Variants in NFASC observed in about 807,000 individuals in gnomAD.
NFASC encodes the protein neurofascin, also known as neurofascin homolog.
NFASC carries 43 observed loss-of-function variants against 147.5 expected under a neutral mutation model. That is an observed-to-expected ratio of 0.29 (90% confidence interval 0.23 to 0.38). The LOEUF (loss-of-function observed/expected upper bound fraction) is 0.38, where lower values mean the gene tolerates loss of function less well. Ranked by LOEUF, NFASC falls within the 10% of genes least tolerant of loss-of-function variation. The pLI is 1.00. For missense variants in NFASC, 1,320 were observed against 1,689.0 expected, an observed-to-expected ratio of 0.78 and a Z score of 3.83; for synonymous variants, 622 against 665.5, an observed-to-expected ratio of 0.93 and a Z score of 1.01.
chr1:204,860,397 G>A lies in NFASC; in HGVS notation c.-200+31615G>A, dbSNP rs1410726129. ...GGCACATGGGCTGACTGTCACTGGAGTGTGGGCCAGTGTCCCCTGTGCCAC... is the reference window on the plus strand; with the variant it reads ...GGCACATGGGCTGACTGTCACTGGAATGTGGGCCAGTGTCCCCTGTGCCAC... On this transcript the variant is annotated intron_variant, in intron 1 of 29. Transcript: ENST00000339876. Among the ~76,000 whole-genome samples, 3 of 152,160 alleles carry A rather than the reference G, an allele frequency of 2.0e-5. No homozygotes were observed. In the East Asian group the frequency reaches 5.8e-4, roughly 29 times the overall value.
chr1:204,986,929 C>T lies in NFASC; in HGVS notation c.2471-489C>T, dbSNP rs559917600. ...CACCCTCCCACCTCTTCCGGATGTT[C>T]CACCCTGGCTTTCTGTCTCCTTACC... On this transcript the variant is annotated intron_variant, in intron 21 of 29. Coordinates refer to ENST00000339876, the MANE Select transcript of NFASC (RefSeq NM_001005388.3). This position sits in a 1 kb window ranked among gnomAD's most constrained non-coding sequence, Gnocchi z 4.2. 1.5e-4 allele frequency: 24 copies of T among 157,266 alleles called. No individual in the cohort carries two copies. Among genetic ancestry groups the T allele is most frequent in the Non-Finnish European group, 2.6e-4 (19 of 71,714 alleles). The allele number at this position is 157,266 out of a possible 1,614,324, so 9.7% of individuals were successfully genotyped here. A position where few individuals can be genotyped will look rare whatever the true frequency, so the allele number is the denominator to read the frequency against.
intron 1 of NFASC, among the ~76,000 whole-genome samples, chr1:204,844,184 G>A (rs1438422862): frequency 6.6e-6 from 1 of 152,156 alleles, no homozygotes. Context: ...GTGTGATTTC[G>A]GCAAATGACT....
At chr1:205,001,325 C>T (rs552462235) in intron 26 of NFASC, 39 bp downstream of exon 26, 28 of 1,366,798 alleles carry the variant, frequency 2.0e-5, no homozygotes, top group Admixed American at 1.3e-4. Flanking sequence ...GCGGCAGCGG[C>T]GTCGGCAGCA....
chr1:204,951,773 A>G (rs948757741), intron 4 of NFASC, among the ~76,000 whole-genome samples: 5 of 152,068 alleles, frequency 3.3e-5, no homozygotes, highest in African/African-American at 7.2e-5. Context: ...CTGGCTGCCT[A>G]TGGGATCTTT....
At chr1:204,946,342 C>G (rs762247125) in intron 3 of NFASC, 1 of 512,894 alleles carries the variant, frequency 1.9e-6, no homozygotes, top group Non-Finnish European at 3.9e-6. Context: ...TATCCTTAGC[C>G]TGCGGGTTAG....
At chr1:204,829,713 G>C (rs1031841809) in intron 1 of NFASC, among the ~76,000 whole-genome samples, 2 of 152,202 alleles carry the variant, frequency 1.3e-5, no homozygotes, top group Non-Finnish European at 2.9e-5. Context: ...GGAAGGGGCA[G>C]GGTCCAGGGG....
At chr1:204,926,684 G>T (rs912145761) in intron 2 of NFASC, among the ~76,000 whole-genome samples, 1 of 151,046 alleles carries the variant, frequency 6.6e-6, no homozygotes, top group Non-Finnish European at 1.5e-5. Flanking sequence ...AAAGTGCTGG[G>T]ATTACAGGCG....
chr1:204,988,750 C>G lies in NFASC; in HGVS notation c.2711C>G (p.Thr904Arg). ...SRYRFTLSARTQVGSGEAVTE... is the reference protein window; with the variant it reads ...SRYRFTLSARRQVGSGEAVTE... ...TACCGCTTTACCCTCAGCGCCAGGA[C>G]GCAGGTGGGCTCTGGGGAAGCCGTC... The change falls in exon 23 of 30, where the codon ACG (threonine) becomes AGG (arginine). Residue 904 changes from threonine (T) to arginine (R), a missense_variant. Physicochemically the swap from Thr to Arg is moderately conservative, Grantham distance 71 (BLOSUM62 -1). Coordinates refer to ENST00000339876, the MANE Select transcript of NFASC (RefSeq NM_001005388.3). 1 of 1,614,218 alleles carries G rather than the reference C, an allele frequency of 6.2e-7. No individual in the cohort carries two copies. The highest frequency in any genetic ancestry group is 8.5e-7 in the Non-Finnish European group (1 of 1,180,040).
chr1:204,938,929 A>G (rs2093115416), intron 2 of NFASC, among the ~76,000 whole-genome samples: 1 of 152,220 alleles, frequency 6.6e-6, no homozygotes, highest in Admixed American at 6.5e-5. Flanking sequence ...GAATGTTGTC[A>G]GTAACACACC....
intron 8 of NFASC, among the ~76,000 whole-genome samples, chr1:204,963,165 C>T (rs186873217): frequency 5.6e-4 from 85 of 152,240 alleles, no homozygotes; most frequent in African/African-American, 1.6e-3. Context: ...TGAGGGAGCG[C>T]GAGCCAGGGA....
intron 24 of NFASC, among the ~76,000 whole-genome samples, chr1:204,996,540 C>T (rs374048661): frequency 6.6e-5 from 10 of 152,088 alleles, no homozygotes; most frequent in Non-Finnish European, 1.2e-4. Flanking sequence ...GGGGAATGAC[C>T]GAGGAGAGCC....
chr1:204,924,582 G>T (rs1178963005), intron 2 of NFASC, among the ~76,000 whole-genome samples: 1 of 152,184 alleles, frequency 6.6e-6, no homozygotes, highest in Non-Finnish European at 1.5e-5. Context: ...CATGGCAAAG[G>T]CAGGAGAGAG....
chr1:204,951,500 GCT>G (rs1427156816), intron 4 of NFASC, among the ~76,000 whole-genome samples: 7 of 136,818 alleles, frequency 5.1e-5, no homozygotes, highest in Non-Finnish European at 9.2e-5. Context: ...ACAGAATATC[GCT>G]CTGTCGCCCA....
At chr1:204,836,157 T>A (rs1455274192) in intron 1 of NFASC, among the ~76,000 whole-genome samples, 2 of 152,150 alleles carry the variant, frequency 1.3e-5, no homozygotes, top group African/African-American at 4.8e-5. Flanking sequence ...TGCATGTATG[T>A]CTGTGTGTGC....
At chr1:205,014,264 G>A (rs931050824) in intron 29 of NFASC, among the ~76,000 whole-genome samples, 1 of 152,100 alleles carries the variant, frequency 6.6e-6, no homozygotes, top group African/African-American at 2.4e-5. Flanking sequence ...TACACGCACA[G>A]GAGCATGCCT....
At chr1:204,935,897 A>G (rs1425381046) in intron 2 of NFASC, among the ~76,000 whole-genome samples, 2 of 152,114 alleles carry the variant, frequency 1.3e-5, no homozygotes, top group African/African-American at 4.8e-5. Context: ...CAGGGTTTCC[A>G]GTTCTTTCCT....
chr1:204,940,810 A>G (rs1460449015), intron 2 of NFASC, among the ~76,000 whole-genome samples: 1 of 152,188 alleles, frequency 6.6e-6, no homozygotes, highest in Non-Finnish European at 1.5e-5. Flanking sequence ...ATTCCAGGGT[A>G]TATACATACT....
chr1:204,984,333 G>T (rs1000212078), intron 21 of NFASC: 1 of 331,488 alleles, frequency 3.0e-6, no homozygotes, highest in Non-Finnish European at 5.6e-6. Flanking sequence ...ATATATATAT[G>T]TGTGTGTGTG....
rs375462956 is a variant in NFASC, at chr1:204,973,433, T to G, written c.1279+14T>G. ...TCAGTGTGCTGGGTGAGTGTGCCCT[T>G]CGCAGCCTGTTTCCCCCTCCTCTCC... is the stretch of plus-strand genomic sequence containing the variant. On this transcript the variant is annotated intron_variant, in intron 12 of 29. Transcript: ENST00000339876. 42 of 1,613,836 alleles carry G rather than the reference T, an allele frequency of 2.6e-5. No individual in the cohort carries two copies. The highest frequency in any genetic ancestry group is 3.6e-5 in the Non-Finnish European group (42 of 1,179,886).
Sources: allele counts gnomAD v4.1 joint callset (sites outside exome capture counted in the v4.1 genomes callset), GRCh38; gene constraint gnomAD v4.1.1; non-coding constraint Gnocchi (gnomAD v3.1); transcripts MANE v1.5; gene names NCBI Gene and HGNC (gene_info 2026-07-23, HGNC 2026-07-21).